Variants in SPATA16 observed in about 807,000 individuals in gnomAD.
SPATA16 encodes the protein spermatogenesis-associated protein 16.
SPATA16 carries 36 observed loss-of-function variants against 63.3 expected under a neutral mutation model. The observed-to-expected ratio is 0.57, with a 90% confidence interval of 0.44 to 0.75. The LOEUF (loss-of-function observed/expected upper bound fraction) is 0.75. Ranked by LOEUF, SPATA16 falls within the 30% of genes least tolerant of loss-of-function variation. The pLI is 0.00. For missense variants in SPATA16, 646 were observed against 679.3 expected, an observed-to-expected ratio of 0.95 and a Z score of 0.54; for synonymous variants, 203 against 216.7, an observed-to-expected ratio of 0.94 and a Z score of 0.56.
At position 172,924,323 on chromosome 3, in the gene SPATA16, A is replaced by AATTGT; in HGVS notation, c.1229-11_1229-7dup. 1.9e-6 allele frequency: 3 copies of AATTGT among 1,603,592 alleles called. No individual in the cohort carries two copies. The highest frequency in any genetic ancestry group is 2.6e-6 in the Non-Finnish European group (3 of 1,171,722). The stretch of plus-strand genomic sequence containing the variant: ...ACCGAAAGGTGTTTTATGCTCTAAA[A>AATTGT]ATTGTAACAATAAACTTTTATACTA... On this transcript the variant is annotated splice_region_variant and splice_polypyrimidine_tract_variant and intron_variant, in intron 7 of 10. Coordinates refer to ENST00000351008, the MANE Select transcript of SPATA16 (RefSeq NM_031955.6).
intron 6 of SPATA16, among the ~76,000 whole-genome samples, chr3:172,931,221 A>T (rs910096248): frequency 6.6e-6 from 1 of 152,130 alleles, no homozygotes; most frequent in Non-Finnish European, 1.5e-5. Flanking sequence ...CCTCTTCAAG[A>T]TCCCATCTTT....
intron 2 of SPATA16, among the ~76,000 whole-genome samples, chr3:173,088,125 G>T (rs1737128612): frequency 1.8e-5 from 2 of 108,736 alleles, no homozygotes; most frequent in South Asian, 3.2e-4. Flanking sequence ...TTGCACTGTT[G>T]CCAGGCTGAA....
chr3:173,056,944 T>C (rs1459019216), intron 2 of SPATA16, among the ~76,000 whole-genome samples: 2 of 151,972 alleles, frequency 1.3e-5, no homozygotes, highest in Non-Finnish European at 2.9e-5. Flanking sequence ...TCAAAATTAC[T>C]ACTACCGTGA....
chr3:172,997,397 G>A (rs1431518080), intron 4 of SPATA16, among the ~76,000 whole-genome samples: 4 of 152,010 alleles, frequency 2.6e-5, no homozygotes, highest in African/African-American at 9.7e-5. Flanking sequence ...ATGAGTACTT[G>A]CCACCTGTAT....
intron 6 of SPATA16, among the ~76,000 whole-genome samples, chr3:172,945,062 G>A (rs1316883003): frequency 6.6e-6 from 1 of 152,162 alleles, no homozygotes; most frequent in Non-Finnish European, 1.5e-5. Flanking sequence ...AGGGGAGGGA[G>A]TAGATTAGGA....
At chr3:172,934,268 GTTTA>G in intron 6 of SPATA16, among the ~76,000 whole-genome samples, 1 of 152,028 alleles carries the variant, frequency 6.6e-6, no homozygotes, top group East Asian at 1.9e-4. Flanking sequence ...CTATTCACTT[GTTTA>G]TTTGTTTATA....
At chr3:172,977,118 C>A in intron 4 of SPATA16, 66 bp from the exon 5 acceptor site, 1 of 1,276,386 alleles carries the variant, frequency 7.8e-7, no homozygotes, top group East Asian at 2.3e-5. Context: ...AAAACCATAA[C>A]AGGCACTATA....
intron 5 of SPATA16, among the ~76,000 whole-genome samples, chr3:172,962,112 A>G (rs1733800855): frequency 6.6e-6 from 1 of 151,768 alleles, no homozygotes; most frequent in Admixed American, 6.6e-5. Flanking sequence ...AATTAGCCAG[A>G]CATGGTGGTG....
intron 2 of SPATA16, among the ~76,000 whole-genome samples, chr3:173,070,805 T>C (rs1033690331): frequency 3.9e-5 from 6 of 152,092 alleles, no homozygotes; most frequent in African/African-American, 9.7e-5. Flanking sequence ...ATGAAAGAAA[T>C]TGAAGAGGAC....
At chr3:173,002,717 C>G (rs1734853159) in intron 4 of SPATA16, among the ~76,000 whole-genome samples, 1 of 151,964 alleles carries the variant, frequency 6.6e-6, no homozygotes, top group Non-Finnish European at 1.5e-5. Flanking sequence ...TTTGGTGGTG[C>G]AATAGACAAA....
intron 4 of SPATA16, among the ~76,000 whole-genome samples, chr3:172,986,769 G>T (rs2108258162): frequency 6.6e-6 from 1 of 152,272 alleles, no homozygotes; most frequent in East Asian, 1.9e-4. Context: ...AAGTGGCAAG[G>T]GCAGTTCTGT....
chr3:173,025,526 C>T (rs931530545), intron 3 of SPATA16, among the ~76,000 whole-genome samples: 5 of 151,706 alleles, frequency 3.3e-5, no homozygotes, highest in Admixed American at 1.3e-4. Context: ...TGGTCTGTTT[C>T]GACAAATACA....
intron 2 of SPATA16, among the ~76,000 whole-genome samples, chr3:173,053,695 G>A (rs903960068): frequency 1.3e-5 from 2 of 152,042 alleles, no homozygotes; most frequent in African/African-American, 2.4e-5. Context: ...AATTCTGTCT[G>A]ATGAGTGTTT....
chr3:172,955,382 C>G (rs1235886960), intron 6 of SPATA16, among the ~76,000 whole-genome samples: 1 of 152,104 alleles, frequency 6.6e-6, no homozygotes, highest in Non-Finnish European at 1.5e-5. Flanking sequence ...AGCATACACC[C>G]TCCAAAAAAT....
intron 10 of SPATA16, among the ~76,000 whole-genome samples, chr3:172,912,551 A>T: frequency 6.6e-6 from 1 of 152,136 alleles, no homozygotes; most frequent in East Asian, 1.9e-4. Context: ...CCACTGAGAC[A>T]GCAAGACCAA....
chr3:173,069,358 A>G, intron 2 of SPATA16, among the ~76,000 whole-genome samples: 1 of 152,160 alleles, frequency 6.6e-6, no homozygotes, highest in East Asian at 1.9e-4. Flanking sequence ...ATGAGCAACT[A>G]TACATCAATA....
intron 5 of SPATA16, among the ~76,000 whole-genome samples, chr3:172,969,887 TCCTG>T (rs1378125956): frequency 6.6e-6 from 1 of 152,186 alleles, no homozygotes; most frequent in Non-Finnish European, 1.5e-5. Context: ...TCTCTTGGAA[TCCTG>T]CATTTTGCCA....
Position 172,889,509 on chromosome 3 carries a change from G to T in SPATA16, c.*61C>A. 2 of 1,606,648 alleles carry T rather than the reference G, an allele frequency of 1.2e-6. No individual in the cohort carries two copies. ...GCTTCACAGTACTAGGTGGGCATTGGAGTGGATGCCCTTGCCTCTTCTTCT... is the reference window on the plus strand; with the variant it reads ...GCTTCACAGTACTAGGTGGGCATTGTAGTGGATGCCCTTGCCTCTTCTTCT... On this transcript the variant is annotated 3_prime_UTR_variant, in exon 11 of 11. Coordinates refer to ENST00000351008, the MANE Select transcript of SPATA16 (RefSeq NM_031955.6).
At chr3:173,037,605 G>A (rs1269476934) in intron 3 of SPATA16, among the ~76,000 whole-genome samples, 1 of 152,006 alleles carries the variant, frequency 6.6e-6, no homozygotes, top group African/African-American at 2.4e-5. Context: ...GCCAGGAAAG[G>A]TACATGGTCT....
Sources: allele counts gnomAD v4.1 joint callset (sites outside exome capture counted in the v4.1 genomes callset), GRCh38; gene constraint gnomAD v4.1.1; transcripts MANE v1.5; gene names NCBI Gene and HGNC (gene_info 2026-07-23, HGNC 2026-07-21).